Variants in SKP2 observed in about 807,000 individuals in gnomAD.
SKP2 encodes the protein S-phase kinase-associated protein 2.
Under a neutral mutation model 51.8 loss-of-function variants are expected in SKP2, and 16 were observed. That is an observed-to-expected ratio of 0.31 (90% CI 0.21 to 0.47). The LOEUF (loss-of-function observed/expected upper bound fraction) is 0.47. SKP2 is among the 20% of genes least tolerant of loss of function. The pLI is 1.00. For synonymous variants in SKP2, 176 were observed against 198.6 expected (o/e 0.89, Z 0.96); for missense variants, 377 against 505.3 (o/e 0.75, Z 2.43).
In SKP2 at chr5:36,183,710, A is replaced by G. The variant is rs541776180; in HGVS notation, c.*1679A>G. The stretch of plus-strand genomic sequence containing the variant: ...ATCAAAAATTGTTAATGTTAGAAAC[A>G]TACTATGAAGTGCCTTTATCTGCTT... On this transcript the variant is annotated 3_prime_UTR_variant, in exon 10 of 10. Coordinates refer to ENST00000274255, the MANE Select transcript of SKP2 (RefSeq NM_005983.4). The G allele has an allele frequency of 6.2e-5, 82 of 1,313,362 alleles. 1 individual carries two copies. In the South Asian group the frequency reaches 2.2e-3, roughly 35 times the overall value. 81.4% of individuals were successfully genotyped at this position (1,313,362 alleles called of 1,614,324 possible).
At chr5:36,159,171 A>T (rs1367249365) in intron 2 of SKP2, among the ~76,000 whole-genome samples, 1 of 152,116 alleles carries the variant, frequency 6.6e-6, no homozygotes, top group African/African-American at 2.4e-5. Context: ...TGAAATCTGG[A>T]GGAGTTGGGA....
At chr5:36,188,493 T>C (rs190007105), downstream of SKP2, among the ~76,000 whole-genome samples, 47 of 152,330 alleles carry the variant, frequency 3.1e-4, no homozygotes, top group Admixed American at 3.0e-3. Flanking sequence ...TTATGAAGCT[T>C]AGTTTGGCTG....
chr5:36,160,867 A>C (rs1381521084), intron 2 of SKP2, among the ~76,000 whole-genome samples: 1 of 152,162 alleles, frequency 6.6e-6, no homozygotes, highest in East Asian at 1.9e-4. Flanking sequence ...GCCTCCCCAG[A>C]TCAGCAGGGG....
intron 2 of SKP2, among the ~76,000 whole-genome samples, chr5:36,157,433 T>C (rs1392634783): frequency 1.3e-5 from 2 of 152,150 alleles, no homozygotes; most frequent in African/African-American, 2.4e-5. Context: ...CTTGTTAAGT[T>C]TGGCTGTGTT....
rs148259937 is a variant in SKP2 at position 36,170,410 on chromosome 5, T to C, written c.738T>C (p.Phe246=). The C allele has an allele frequency of 6.2e-7, 1 of 1,613,196 alleles. No homozygotes were observed. The highest frequency in any genetic ancestry group is 2.2e-5 in the East Asian group (1 of 44,856). ...NLSGCSGFSE[F]ALQTLLSSCS... Reference sequence around the variant, plus strand: ...CTGGGTGTTCTGGATTCTCTGAATTTGCCCTGCAGACTTTGCTAAGCAGCT... The same window carrying C: ...CTGGGTGTTCTGGATTCTCTGAATTCGCCCTGCAGACTTTGCTAAGCAGCT... Residue 246 remains phenylalanine, a synonymous_variant, in exon 6 of 10, where the codon TTT becomes TTC. Coordinates refer to ENST00000274255, the MANE Select transcript of SKP2 (RefSeq NM_005983.4).
At chr5:36,154,178 G>C (rs1341009562) in intron 2 of SKP2, among the ~76,000 whole-genome samples, 3 of 152,132 alleles carry the variant, frequency 2.0e-5, no homozygotes, top group Non-Finnish European at 4.4e-5. Flanking sequence ...GGGGTGGGAA[G>C]ATAGAGTGCA....
chr5:36,192,169 TTAA>T (rs1746040987), intron 6 of SKP2, among the ~76,000 whole-genome samples: 1 of 152,210 alleles, frequency 6.6e-6, no homozygotes, highest in Non-Finnish European at 1.5e-5. Flanking sequence ...TGTAGAAAAC[TTAA>T]TAAGCCTTCT....
At chr5:36,168,604 T>C (rs1745370425) in intron 5 of SKP2, among the ~76,000 whole-genome samples, 157 bp downstream of exon 5, 1 of 152,244 alleles carries the variant, frequency 6.6e-6, no homozygotes, top group Non-Finnish European at 1.5e-5. Context: ...CAGGACTCAT[T>C]GAAGCAACAA....
intron 7 of SKP2, chr5:36,192,989 T>C (rs769085431): frequency 2.0e-5 from 3 of 152,192 alleles, no homozygotes; most frequent in Non-Finnish European, 4.4e-5. Context: ...TTCTTACAAA[T>C]AAACCCCCAT....
intron 2 of SKP2, among the ~76,000 whole-genome samples, chr5:36,153,862 C>G (rs888990020): frequency 2.0e-5 from 3 of 152,254 alleles, no homozygotes; most frequent in Non-Finnish European, 4.4e-5. Context: ...AACCAGAACC[C>G]TGGAGTATGC....
chr5:36,182,665 A>G lies in SKP2; in HGVS notation c.*634A>G. On this transcript the variant is annotated 3_prime_UTR_variant, in exon 10 of 10. Coordinates refer to ENST00000274255, the MANE Select transcript of SKP2 (RefSeq NM_005983.4). Reference sequence around the variant, plus strand: ...ACATTACAAAACCCAGAGATATAGAATCAATATAGGATTTGAAGGCCCAGC... The same window carrying G: ...ACATTACAAAACCCAGAGATATAGAGTCAATATAGGATTTGAAGGCCCAGC... The G allele has an allele frequency of 3.1e-6, 3 of 977,016 alleles. No individual in the cohort carries two copies. In the South Asian group the frequency reaches 1.4e-4, roughly 46 times the overall value. The allele number at this position is 977,016 out of a possible 1,614,324, so 60.5% of individuals were successfully genotyped here. A position where few individuals can be genotyped will look rare whatever the true frequency, so the allele number is the denominator to read the frequency against.
chr5:36,178,449 T>G (rs1007166986), intron 9 of SKP2, among the ~76,000 whole-genome samples: 1 of 152,156 alleles, frequency 6.6e-6, no homozygotes, highest in African/African-American at 2.4e-5. Context: ...AAATTAATCT[T>G]GGGGTTCAGG....
chr5:36,184,498 G>A (rs1745920639), downstream of SKP2, among the ~76,000 whole-genome samples: 2 of 152,160 alleles, frequency 1.3e-5, no homozygotes. Flanking sequence ...ACCTATGAGT[G>A]AGAACATGTG....
At chr5:36,192,910 T>A (rs1746070212) in intron 7 of SKP2, 1 of 152,120 alleles carries the variant, frequency 6.6e-6, no homozygotes, top group Non-Finnish European at 1.5e-5. Flanking sequence ...TTTATTCACA[T>A]AGGGTTGCGA....
At position 36,184,017 on chromosome 5, in the gene SKP2, A is replaced by G; in HGVS notation, c.*1986A>G. On this transcript the variant is annotated 3_prime_UTR_variant, in exon 10 of 10. Coordinates refer to ENST00000274255, the MANE Select transcript of SKP2 (RefSeq NM_005983.4). ...GACTTGTTTTAAAACAATAAAACAC[A>G]TTTTTATAAAAATGAGTGCTTAAAC... is the stretch of plus-strand genomic sequence containing the variant. The G allele has an allele frequency of 1.4e-6, 2 of 1,419,528 alleles. No individual in the cohort carries two copies. Among genetic ancestry groups the G allele is most frequent in the Non-Finnish European group, 2.0e-6 (2 of 1,020,708 alleles). The allele number at this position is 1,419,528 out of a possible 1,614,324, so 87.9% of individuals were successfully genotyped here.
rs3038049 is a variant in SKP2, at chr5:36,153,213, G to GATATATATAT, written c.280+192_280+201dup. ...CGTCAAGTATGCAGGAATCTTGGTA[G>GATATATATAT]ATATATATATATATATATATATATA... On this transcript the variant is annotated intron_variant, in intron 2 of 9. Coordinates refer to ENST00000274255, the MANE Select transcript of SKP2 (RefSeq NM_005983.4). Among the ~76,000 whole-genome samples the GATATATATAT allele has an allele frequency of 4.7e-3, 694 of 147,494 alleles. 7 individuals are homozygous for GATATATATAT. The highest frequency in any genetic ancestry group is 0.016 in the African/African-American group (632 of 39,282).
chr5:36,183,021 A>G lies in SKP2; in HGVS notation c.*990A>G, dbSNP rs1745858379. ...TTTTTTTTTTAAATGATCTCTCAGC[A>G]ATAATTGTTTGAAACTATCCATATA... On this transcript the variant is annotated 3_prime_UTR_variant, in exon 10 of 10. Coordinates refer to ENST00000274255, the MANE Select transcript of SKP2 (RefSeq NM_005983.4). 1.0e-6 allele frequency: 1 copy of G among 954,180 alleles called. No homozygotes were observed. Among genetic ancestry groups the G allele is most frequent in the African/African-American group, 1.8e-5 (1 of 56,542 alleles). The allele number at this position is 954,180 out of a possible 1,614,324, so 59.1% of individuals were successfully genotyped here.
At chr5:36,152,727 G>A in intron 1 of SKP2, 44 bp from the exon 2 acceptor site, 1 of 1,589,248 alleles carries the variant, frequency 6.3e-7, no homozygotes, top group Non-Finnish European at 8.6e-7. Context: ...ATTATTTATG[G>A]GTGTGTTTTC....
downstream of SKP2, among the ~76,000 whole-genome samples, chr5:36,186,165 G>A (rs940779700): frequency 6.6e-5 from 10 of 152,096 alleles, no homozygotes; most frequent in African/African-American, 2.4e-4. Context: ...GAGACGATGG[G>A]GTTTTCTAAA....
Sources: allele counts gnomAD v4.1 joint callset (sites outside exome capture counted in the v4.1 genomes callset), GRCh38; gene constraint gnomAD v4.1.1; transcripts MANE v1.5; gene names NCBI Gene and HGNC (gene_info 2026-07-23, HGNC 2026-07-21).